Variants in EBF3 observed in about 807,000 individuals in gnomAD.
EBF3 encodes the protein transcription factor COE3.
Under a neutral mutation model 77.1 loss-of-function variants are expected in EBF3, and 18 were observed. The ratio of observed to expected loss-of-function variants is 0.23; its 90% CI spans 0.16 to 0.35. The LOEUF is 0.35. EBF3 is among the 10% of genes least tolerant of loss of function. The pLI is 1.00. For missense variants in EBF3, 558 were observed against 860.0 expected (o/e 0.65, Z 4.39); for synonymous variants, 350 against 343.5 (o/e 1.02, Z -0.21).
At position 129,944,309 on chromosome 10, in the gene EBF3, T is replaced by C. The variant is rs1261772132; in HGVS notation, c.554+12949A>G. On this transcript the variant is annotated intron_variant, in intron 6 of 16. Coordinates refer to ENST00000440978, the MANE Select transcript of EBF3 (RefSeq NM_001375380.1). The surrounding 1 kb of genome is among the most constrained non-coding windows in gnomAD (Gnocchi z 5.1). ...ACCAGAGTGCACTGCCTTCAGAATA[T>C]TGGCTTGGTGGCTGGACATGCAGGG... 6.6e-6 allele frequency among the ~76,000 whole-genome samples: 1 copy of C among 152,216 alleles called. No homozygotes were observed. Among genetic ancestry groups the C allele is most frequent in the Non-Finnish European group, 1.5e-5 (1 of 68,042 alleles).
chr10:129,941,556 G>A (rs776263280), intron 6 of EBF3, among the ~76,000 whole-genome samples: 4 of 152,208 alleles, frequency 2.6e-5, no homozygotes, highest in Non-Finnish European at 2.9e-5. Flanking sequence ...CACAGACTCC[G>A]GGCAGGCCAA....
At chr10:129,948,280 A>C (rs988212193) in intron 6 of EBF3, among the ~76,000 whole-genome samples, 17 of 150,154 alleles carry the variant, frequency 1.1e-4, no homozygotes, top group Non-Finnish European at 2.2e-4. Context: ...AAAAAAAAAA[A>C]AAAAAGCAGC....
intron 8 of EBF3, among the ~76,000 whole-genome samples, chr10:129,868,805 G>T (rs1852210682): frequency 6.6e-6 from 1 of 152,222 alleles, no homozygotes; most frequent in Non-Finnish European, 1.5e-5. Context: ...TTTACATGGT[G>T]TTGGCAGACC....
chr10:129,962,346 G>T (rs1348158941), intron 3 of EBF3, 120 bp from the exon 4 acceptor site: 2 of 849,768 alleles, frequency 2.4e-6, no homozygotes, highest in Admixed American at 4.3e-5. Flanking sequence ...GCAGAACTTA[G>T]GCAATCCCTT....
chr10:129,841,036 T>C lies in EBF3; in HGVS notation c.1373-4A>G. On this transcript the variant is annotated splice_region_variant and splice_polypyrimidine_tract_variant and intron_variant, in intron 13 of 16. Coordinates refer to ENST00000440978, the MANE Select transcript of EBF3 (RefSeq NM_001375380.1). This position sits in a 1 kb window ranked among gnomAD's most constrained non-coding sequence, Gnocchi z 4.6. ...CTTGTATTGCGACTGTAGCCGACTGTTGAAATCCCCCCCCCGGCCAAAAAT... is the reference window on the plus strand; with the variant it reads ...CTTGTATTGCGACTGTAGCCGACTGCTGAAATCCCCCCCCCGGCCAAAAAT... The C allele has an allele frequency of 7.1e-7, 1 of 1,412,214 alleles. No homozygotes were observed. Among genetic ancestry groups the C allele is most frequent in the Non-Finnish European group, 9.6e-7 (1 of 1,044,932 alleles). The allele number at this position is 1,412,214 out of a possible 1,614,324, so 87.5% of individuals were successfully genotyped here.
intron 6 of EBF3, among the ~76,000 whole-genome samples, chr10:129,887,613 T>A (rs2134178998): frequency 6.6e-6 from 1 of 152,310 alleles, no homozygotes; most frequent in South Asian, 2.1e-4. Context: ...GTGTTTCTGA[T>A]TCATCTAGGG....
chr10:129,910,002 G>A (rs1403169290), intron 6 of EBF3, among the ~76,000 whole-genome samples: 2 of 152,224 alleles, frequency 1.3e-5, no homozygotes, highest in African/African-American at 2.4e-5. Flanking sequence ...GCTCAGCGCC[G>A]ATGACAGATC....
chr10:129,842,595 C>A lies in EBF3; in HGVS notation c.1195-302G>T, dbSNP rs992177823. Among the ~76,000 whole-genome samples the A allele has an allele frequency of 6.6e-6, 1 of 152,096 alleles. No homozygotes were observed. The highest frequency in any genetic ancestry group is 2.4e-5 in the African/African-American group (1 of 41,426). On this transcript the variant is annotated intron_variant, in intron 12 of 16. Coordinates refer to ENST00000440978, the MANE Select transcript of EBF3 (RefSeq NM_001375380.1). This position sits in a 1 kb window ranked among gnomAD's most constrained non-coding sequence, Gnocchi z 4.4. ...CCTGGCCAACATGGCGAAATCCCATCTCTAATGAAAATACAAAAATTAGCC... is the reference window on the plus strand; with the variant it reads ...CCTGGCCAACATGGCGAAATCCCATATCTAATGAAAATACAAAAATTAGCC...
At chr10:129,939,780 A>G (rs2134477242) in intron 6 of EBF3, among the ~76,000 whole-genome samples, 1 of 152,346 alleles carries the variant, frequency 6.6e-6, no homozygotes, top group Non-Finnish European at 1.5e-5. Flanking sequence ...GTCACACGCA[A>G]GCTAATACCG....
intron 8 of EBF3, among the ~76,000 whole-genome samples, chr10:129,873,084 G>C (rs968538053): frequency 6.6e-6 from 1 of 152,210 alleles, no homozygotes; most frequent in Admixed American, 6.5e-5. Flanking sequence ...ACTGGACCAG[G>C]ATGTAACCAC....
At chr10:129,853,697 A>T (rs1851049980) in intron 10 of EBF3, among the ~76,000 whole-genome samples, 1 of 152,248 alleles carries the variant, frequency 6.6e-6, no homozygotes, top group Non-Finnish European at 1.5e-5. Flanking sequence ...CACAGGTTGT[A>T]ATGTGTAAAA....
chr10:129,859,971 T>A (rs2134033688), intron 10 of EBF3, among the ~76,000 whole-genome samples: 1 of 152,364 alleles, frequency 6.6e-6, no homozygotes, highest in South Asian at 2.1e-4. Context: ...TTTCAGGTCC[T>A]CTACCGACAT....
At chr10:129,958,393 G>C (rs907129207) in intron 5 of EBF3, among the ~76,000 whole-genome samples, 1 of 152,122 alleles carries the variant, frequency 6.6e-6, no homozygotes, top group Admixed American at 6.5e-5. Flanking sequence ...AAAAACAGGT[G>C]GGAAATTGCT....
rs913603139 is a variant in EBF3, at chr10:129,873,560, C to T, written c.673G>A (p.Val225Met). 19 of 1,570,232 alleles carry T rather than the reference C, an allele frequency of 1.2e-5. No homozygotes were observed. Among genetic ancestry groups the T allele is most frequent in the East Asian group, 2.3e-5 (1 of 42,810 alleles). ...AACATGTTGTCTGACACGGCCAGCA[C>T]GTGGCCGTCCACGTTGACTGTTGTC... Reference protein sequence around the residue: ...VSTTVNVDGHVLAVSDNMFVH... With the variant: ...VSTTVNVDGHMLAVSDNMFVH... The change falls in exon 8 of 17, where the codon GTG becomes ATG. Residue 225 changes from valine (V) to methionine (M), a missense_variant. Val to Met is a conservative substitution (Grantham distance 21). This residue lies in a region of EBF3 where 112 missense variants were observed against 207.7 expected (regional missense o/e 0.54). Coordinates refer to ENST00000440978, the MANE Select transcript of EBF3 (RefSeq NM_001375380.1).
At chr10:129,937,742 A>T (rs893642529) in intron 6 of EBF3, among the ~76,000 whole-genome samples, 28 of 152,094 alleles carry the variant, frequency 1.8e-4, no homozygotes, top group African/African-American at 6.8e-4. Flanking sequence ...CCCCAGGCCA[A>T]CCTGTCCCGG....
chr10:129,921,981 C>T (rs1856345891), intron 6 of EBF3, among the ~76,000 whole-genome samples: 1 of 152,198 alleles, frequency 6.6e-6, no homozygotes, highest in African/African-American at 2.4e-5. Context: ...TGCAGACGGA[C>T]ATGAGGGCAG....
chr10:129,872,303 G>A (rs759225980), intron 8 of EBF3, among the ~76,000 whole-genome samples: 4 of 152,136 alleles, frequency 2.6e-5, no homozygotes, highest in South Asian at 2.1e-4. Context: ...TAAACAATAC[G>A]TCACAGGCTC....
At chr10:129,872,886 CTCTTTT>C (rs1456098243) in intron 8 of EBF3, among the ~76,000 whole-genome samples, 3 of 152,160 alleles carry the variant, frequency 2.0e-5, no homozygotes, top group Admixed American at 6.5e-5. Context: ...GGAAACCCTT[CTCTTTT>C]AACAAACAAA....
intron 10 of EBF3, among the ~76,000 whole-genome samples, chr10:129,862,282 T>C (rs1411270293): frequency 6.6e-6 from 1 of 152,164 alleles, no homozygotes; most frequent in Admixed American, 6.5e-5. Context: ...CAGAAAATAA[T>C]CACTTTTATG....
Sources: gnomAD v4.1 joint callset for allele counts (sites outside exome capture counted in the v4.1 genomes callset) on GRCh38, gnomAD v4.1.1 for gene constraint, gnomAD v4.1.1 regional missense constraint, Gnocchi (gnomAD v3.1) non-coding constraint, MANE v1.5 for transcripts, NCBI Gene and HGNC (gene_info 2026-07-23, HGNC 2026-07-21) for gene names.